Variants in SULT2B1 observed in about 807,000 individuals in gnomAD.
The protein encoded by SULT2B1 is sulfotransferase 2B1.
SULT2B1 carries 16 observed loss-of-function variants against 33.2 expected under a neutral mutation model. The observed-to-expected ratio is 0.48, with a 90% CI of 0.33 to 0.73. The LOEUF is 0.73. Among genes scored for constraint, SULT2B1 ranks in the 30% least tolerant of loss-of-function variants. The pLI is 0.02. For missense variants in SULT2B1, 500 were observed against 506.0 expected (o/e 0.99, Z 0.11); for synonymous variants, 186 against 200.5 (o/e 0.93, Z 0.61).
intron 1 of SULT2B1, among the ~76,000 whole-genome samples, chr19:48,558,025 G>A (rs1006749731): frequency 6.6e-6 from 1 of 152,196 alleles, no homozygotes; most frequent in African/African-American, 2.4e-5. Context: ...AGGCTGACAA[G>A]CCCAGGATGT....
intron 2 of SULT2B1, 80 bp from the exon 3 acceptor site, chr19:48,587,149 G>A (rs1973573064): frequency 1.9e-6 from 2 of 1,042,024 alleles, no homozygotes; most frequent in African/African-American, 3.2e-5. Context: ...TGCTCAATAA[G>A]TGCTGTTGTG....
intron 1 of SULT2B1, among the ~76,000 whole-genome samples, chr19:48,561,249 G>C (rs1252608648): frequency 6.6e-6 from 1 of 151,818 alleles, no homozygotes. Flanking sequence ...GACCAACATG[G>C]AGAAACCCCG....
intron 1 of SULT2B1, among the ~76,000 whole-genome samples, chr19:48,557,775 C>T (rs539538865): frequency 1.3e-5 from 2 of 151,448 alleles, no homozygotes; most frequent in African/African-American, 2.4e-5. Context: ...AAAAGTCAGC[C>T]GGGCATGGTG....
chr19:48,573,300 G>A (rs1034622765), intron 1 of SULT2B1, among the ~76,000 whole-genome samples: 1 of 152,040 alleles, frequency 6.6e-6, no homozygotes, highest in African/African-American at 2.4e-5. Flanking sequence ...CCTGTCCCTG[G>A]CCTCTCGCTG....
In SULT2B1 at chr19:48,584,959, G is replaced by A. The variant is rs1263509740; in HGVS notation, c.215-2270G>A. On this transcript the variant is annotated intron_variant, in intron 2 of 6. Transcript: ENST00000201586. ...AGCTACTTGGGAGGCTGAGGCAGGA[G>A]AATTGCTTGAATCCAGGAGGCAGAG... is the stretch of plus-strand genomic sequence containing the variant. Among the ~76,000 whole-genome samples, 4 of 142,018 alleles carry A rather than the reference G, an allele frequency of 2.8e-5. No homozygotes were observed. The East Asian group carries it at 9.0e-4, about 32-fold the overall frequency. 93.2% of individuals were successfully genotyped at this position (142,018 alleles called of 152,430 possible). A position where few individuals can be genotyped will look rare whatever the true frequency, so the allele number is the denominator to read the frequency against.
intron 5 of SULT2B1, 72 bp from the exon 6 acceptor site, chr19:48,596,667 C>G: frequency 4.1e-6 from 6 of 1,453,536 alleles, no homozygotes; most frequent in Non-Finnish European, 5.5e-6. Context: ...CCCAGACATG[C>G]GGATCCCAGG....
intron 5 of SULT2B1, among the ~76,000 whole-genome samples, chr19:48,594,998 G>A (rs1409627858): frequency 2.0e-5 from 3 of 152,034 alleles, no homozygotes; most frequent in Non-Finnish European, 4.4e-5. Flanking sequence ...CTCCAGCCTG[G>A]GTGACAGAGC....
At position 48,595,607 on chromosome 19, in the gene SULT2B1, T is replaced by C. The variant is rs370994863; in HGVS notation, c.646-1132T>C. Among the ~76,000 whole-genome samples, 24 of 148,542 alleles carry C rather than the reference T, an allele frequency of 1.6e-4. No individual in the cohort carries two copies. In the South Asian group the frequency reaches 5.1e-3, roughly 32 times the overall value. On this transcript the variant is annotated intron_variant, in intron 5 of 6. Coordinates refer to ENST00000201586, the MANE Select transcript of SULT2B1 (RefSeq NM_177973.2). ...AATGGTGAGTCCCAGAAGGAGAGGG[T>C]GGGAAAGGTATTGGAAGAGCTGTGA...
intron 5 of SULT2B1, 122 bp downstream of exon 5, chr19:48,592,938 G>A: frequency 1.2e-6 from 1 of 818,926 alleles, no homozygotes; most frequent in Non-Finnish European, 2.0e-6. Context: ...CCAGCCCCTG[G>A]GGATACTGCA....
chr19:48,579,648 C>CCAG lies in SULT2B1; in HGVS notation c.214+3566_214+3568dup, dbSNP rs1248531709. Among the ~76,000 whole-genome samples the CCAG allele has an allele frequency of 2.1e-5, 3 of 143,374 alleles. No homozygotes were observed. The East Asian group carries it at 6.2e-4, about 30-fold the overall frequency. The allele number at this position is 143,374 out of a possible 152,430, so 94.1% of individuals were successfully genotyped here. A position where few individuals can be genotyped will look rare whatever the true frequency, so the allele number is the denominator to read the frequency against. On this transcript the variant is annotated intron_variant, in intron 2 of 6. Transcript: ENST00000201586. ...TGAGACGAAGTCTCGCTCTTGTCCC[C>CCAG]CAGGCTGGAATGCAATGGCGCAGTC...
At chr19:48,583,918 C>T (rs1973527971) in intron 2 of SULT2B1, among the ~76,000 whole-genome samples, 1 of 152,138 alleles carries the variant, frequency 6.6e-6, no homozygotes, top group South Asian at 2.1e-4. Context: ...TTGAGATCAT[C>T]CTGACCAACA....
chr19:48,579,315 C>T (rs886790189), intron 2 of SULT2B1, among the ~76,000 whole-genome samples: 9 of 147,392 alleles, frequency 6.1e-5, no homozygotes, highest in African/African-American at 2.0e-4. Context: ...CGGAGTCTCG[C>T]TCTGTCGCCC....
At chr19:48,567,193 T>C (rs1045403873) in intron 1 of SULT2B1, among the ~76,000 whole-genome samples, 1 of 152,114 alleles carries the variant, frequency 6.6e-6, no homozygotes, top group Non-Finnish European at 1.5e-5. Flanking sequence ...TATATTTCAC[T>C]GCGCGCTTCC....
chr19:48,568,997 G>A (rs1305542148), intron 1 of SULT2B1, among the ~76,000 whole-genome samples: 1 of 152,144 alleles, frequency 6.6e-6, no homozygotes. Context: ...TGACGCCACC[G>A]TTCTAGCAGC....
chr19:48,579,112 G>A (rs922855111), intron 2 of SULT2B1, among the ~76,000 whole-genome samples: 22 of 152,012 alleles, frequency 1.4e-4, no homozygotes, highest in African/African-American at 4.8e-4. Context: ...CGTTGTCAAG[G>A]TTCAACCACA....
intron 2 of SULT2B1, among the ~76,000 whole-genome samples, 155 bp from the exon 3 acceptor site, chr19:48,587,074 T>G (rs560710401): frequency 1.3e-5 from 2 of 151,754 alleles, no homozygotes; most frequent in East Asian, 3.9e-4. Flanking sequence ...ATCGCGCCAT[T>G]GCACTCCAGC....
In SULT2B1 at chr19:48,591,653, C is replaced by T; in HGVS notation, c.468C>T (p.Leu156=). 1 of 1,613,630 alleles carries T rather than the reference C, an allele frequency of 6.2e-7. No homozygotes were observed. The highest frequency in any genetic ancestry group is 8.5e-7 in the Non-Finnish European group (1 of 1,179,754). The change falls in exon 4 of 7, where the codon CTC becomes CTT. Residue 156 remains leucine (L), a synonymous_variant. Transcript: ENST00000201586. ...ACCCCCGGGACGTTGTGGTCTCCCT[C>T]TATCATTACTCCAAGATCGCCGGGC... ...GRNPRDVVVS[L]YHYSKIAGQL...
At position 48,592,748 on chromosome 19, in the gene SULT2B1, A is replaced by C. The variant is rs752620448; in HGVS notation, c.577A>C (p.Ile193Leu). Reference protein sequence around the residue: ...EVQFGSWFDHIKGWLRMKGKD... With the variant: ...EVQFGSWFDHLKGWLRMKGKD... Reference sequence around the variant, plus strand: ...GCAGTTTGGCTCCTGGTTCGACCACATTAAGGGCTGGCTTCGGATGAAGGG... The same window carrying C: ...GCAGTTTGGCTCCTGGTTCGACCACCTTAAGGGCTGGCTTCGGATGAAGGG... Residue 193 changes from isoleucine to leucine, a missense_variant, in exon 5 of 7, where the codon ATT becomes CTT. By Grantham distance (5) the Ile-to-Leu change is conservative (BLOSUM62 2). Transcript: ENST00000201586. The C allele has an allele frequency of 1.3e-6, 2 of 1,599,490 alleles. No homozygotes were observed. Among genetic ancestry groups the C allele is most frequent in the Admixed American group, 3.5e-5 (2 of 57,726 alleles).
chr19:48,563,025 A>C (rs928258176), intron 1 of SULT2B1, among the ~76,000 whole-genome samples: 2 of 152,192 alleles, frequency 1.3e-5, no homozygotes, highest in Admixed American at 1.3e-4. Flanking sequence ...CAAGAAAAAA[A>C]AAAGTTAAGC....
Sources: gnomAD v4.1 joint callset for allele counts (sites outside exome capture counted in the v4.1 genomes callset) on GRCh38, gnomAD v4.1.1 for gene constraint, MANE v1.5 for transcripts, NCBI Gene and HGNC (gene_info 2026-07-23, HGNC 2026-07-21) for gene names.